ANKDD1A: variants seen among roughly 807,000 people sequenced by gnomAD.
ANKDD1A encodes the protein ankyrin repeat and death domain-containing protein 1A.
Under a neutral mutation model 63.5 loss-of-function variants are expected in ANKDD1A, and 59 were observed. That is an observed-to-expected ratio of 0.93 (90% confidence interval 0.75 to 1.15). The LOEUF (loss-of-function observed/expected upper bound fraction) is 1.15. ANKDD1A is among the 50% of genes most tolerant of loss of function. The probability of loss-of-function intolerance (pLI) is 0.00; values close to 1 mark genes in which losing one functional copy is unlikely to be tolerated. For synonymous variants in ANKDD1A, 266 were observed against 263.9 expected, an observed-to-expected ratio of 1.01 and a Z score of -0.08; for missense variants, 632 against 656.4, an observed-to-expected ratio of 0.96 and a Z score of 0.41.
intron 3 of ANKDD1A, among the ~76,000 whole-genome samples, chr15:64,917,776 A>G (rs957189790): frequency 1.3e-5 from 2 of 152,184 alleles, no homozygotes; most frequent in African/African-American, 4.8e-5. Flanking sequence ...GAACAGAGAG[A>G]GGGCTGTAGA....
At chr15:64,933,862 T>A (rs2085107938) in intron 8 of ANKDD1A, among the ~76,000 whole-genome samples, 2 of 151,926 alleles carry the variant, frequency 1.3e-5, no homozygotes, top group South Asian at 4.1e-4. Context: ...AAGTCTATCA[T>A]CTGCATGTCT....
chr15:64,928,717 G>A (rs1192148802), intron 6 of ANKDD1A, among the ~76,000 whole-genome samples: 1 of 152,214 alleles, frequency 6.6e-6, no homozygotes, highest in African/African-American at 2.4e-5. Flanking sequence ...GGGCAAAGTT[G>A]CTGTCAAGGC....
intron 14 of ANKDD1A, among the ~76,000 whole-genome samples, chr15:64,953,095 ACTTTCTTTT>A (rs1328818861): frequency 2.5e-4 from 25 of 100,968 alleles, no homozygotes; most frequent in Admixed American, 2.2e-3. Context: ...TCCTTCTTAT[ACTTTCTTTT>A]CTTTCTTCCG....
intron 8 of ANKDD1A, among the ~76,000 whole-genome samples, chr15:64,933,216 T>C (rs1381131940): frequency 6.6e-6 from 1 of 152,168 alleles, no homozygotes; most frequent in Non-Finnish European, 1.5e-5. Flanking sequence ...GCTGGGACTT[T>C]AGCAGGGTGG....
At chr15:64,952,043 T>C (rs2085295662) in intron 14 of ANKDD1A, among the ~76,000 whole-genome samples, 1 of 141,670 alleles carries the variant, frequency 7.1e-6, no homozygotes, top group Non-Finnish European at 1.6e-5. Context: ...TTCTTTCCTC[T>C]TCTTTCTTCT....
intron 6 of ANKDD1A, among the ~76,000 whole-genome samples, chr15:64,929,951 G>A (rs1234123272): frequency 1.3e-5 from 2 of 152,148 alleles, no homozygotes; most frequent in African/African-American, 4.8e-5. Flanking sequence ...GCAGGGACAT[G>A]GATGAAGCCA....
At position 64,918,430 on chromosome 15, in the gene ANKDD1A, A is replaced by G. The variant is rs138178018; in HGVS notation, c.267+916A>G. On this transcript the variant is annotated intron_variant, in intron 3 of 14. Transcript: ENST00000319580. ...CAACCCTTACCTCCCCCATTCCCCA[A>G]TCCTGTCTCCTCCCTGTACCTGCTT... 1.4e-4 allele frequency among the ~76,000 whole-genome samples: 22 copies of G among 152,082 alleles called. No individual in the cohort carries two copies. In the East Asian group the frequency reaches 2.7e-3, roughly 19 times the overall value.
intron 6 of ANKDD1A, among the ~76,000 whole-genome samples, chr15:64,929,731 G>A (rs2085074140): frequency 6.6e-6 from 1 of 152,056 alleles, no homozygotes; most frequent in Non-Finnish European, 1.5e-5. Flanking sequence ...ACTGAGTGTT[G>A]GCCATGTACC....
Position 64,930,813 on chromosome 15 carries a change from T to C in ANKDD1A, c.571-9T>C. On this transcript the variant is annotated splice_polypyrimidine_tract_variant and intron_variant, in intron 6 of 14. Coordinates refer to ENST00000319580, the MANE Select transcript of ANKDD1A (RefSeq NM_182703.6). ...TCTGCTGGCCTCTCAGGAGCCCTTT[T>C]TCCTGCAGGAGGGGAACACTGCCCT... The C allele has an allele frequency of 6.2e-7, 1 of 1,610,978 alleles. No individual in the cohort carries two copies. The highest frequency in any genetic ancestry group is 8.5e-7 in the Non-Finnish European group (1 of 1,179,392).
At chr15:64,952,001 T>G (rs2085294517) in intron 14 of ANKDD1A, among the ~76,000 whole-genome samples, 1 of 150,754 alleles carries the variant, frequency 6.6e-6, no homozygotes, top group Non-Finnish European at 1.5e-5. Flanking sequence ...TTTCTTTTCT[T>G]TCTTCTTCCA....
intron 9 of ANKDD1A, among the ~76,000 whole-genome samples, chr15:64,936,697 G>T (rs570454385): frequency 6.6e-6 from 1 of 151,962 alleles, no homozygotes; most frequent in African/African-American, 2.4e-5. Context: ...AAAATCAGCC[G>T]GGTATGGTGG....
In ANKDD1A at chr15:64,947,440, T is replaced by G; in HGVS notation, c.1198T>G (p.Phe400Val). 1 of 1,614,058 alleles carries G rather than the reference T, an allele frequency of 6.2e-7. No homozygotes were observed. Among genetic ancestry groups the G allele is most frequent in the Non-Finnish European group, 8.5e-7 (1 of 1,179,964 alleles). ...TGATCCCTCTGGGAAGAGCTTGTCC[T>G]TTAAGCAGGACCATCGGCAGGAAAC... Reference protein sequence around the residue: ...PSDPSGKSLSFKQDHRQETQQ... With the variant: ...PSDPSGKSLSVKQDHRQETQQ... Residue 400 changes from phenylalanine to valine, a missense_variant, in exon 13 of 15, where the codon TTT (phenylalanine) becomes GTT (valine). Physicochemically the swap from Phe to Val is conservative, Grantham distance 50. Coordinates refer to ENST00000319580, the MANE Select transcript of ANKDD1A (RefSeq NM_182703.6).
chr15:64,914,617 C>T (rs566935614), intron 1 of ANKDD1A, among the ~76,000 whole-genome samples: 53 of 152,364 alleles, frequency 3.5e-4, no homozygotes, highest in African/African-American at 1.3e-3. Context: ...TTGTGGGTTC[C>T]TCCTGTGCCC....
chr15:64,927,606 T>C (rs1171696093), intron 6 of ANKDD1A, among the ~76,000 whole-genome samples: 3 of 149,070 alleles, frequency 2.0e-5, no homozygotes, highest in East Asian at 1.9e-4. Context: ...AATTCCCTTT[T>C]TTTTTTTTTT....
At position 64,951,391 on chromosome 15, in the gene ANKDD1A, C is replaced by A. The variant is rs565596567; in HGVS notation, c.1483+1419C>A. On this transcript the variant is annotated intron_variant, in intron 14 of 14. Coordinates refer to ENST00000319580, the MANE Select transcript of ANKDD1A (RefSeq NM_182703.6). ...CTTTCTTCTTTCTTTTTCTTTTCTT[C>A]TTCCTCTTTTTTCTTTTTTCTTTTC... 235 of 311,696 alleles carry A rather than the reference C, an allele frequency of 7.5e-4. 2 individuals carry two copies. Among genetic ancestry groups the A allele is most frequent in the Middle Eastern group, 1.6e-3 (1 of 624 alleles). 19.3% of individuals were successfully genotyped at this position (311,696 alleles called of 1,614,324 possible).
At chr15:64,927,934 A>C (rs1009339332) in intron 6 of ANKDD1A, among the ~76,000 whole-genome samples, 2 of 152,150 alleles carry the variant, frequency 1.3e-5, no homozygotes, top group Admixed American at 1.3e-4. Flanking sequence ...TGATGCCTCC[A>C]ACAAAGAGAT....
At chr15:64,951,681 T>TTC (rs1187237679) in intron 14 of ANKDD1A, among the ~76,000 whole-genome samples, 1 of 33,366 alleles carries the variant, frequency 3.0e-5, no homozygotes, top group South Asian at 6.1e-4. Context: ...TCTTTCCTTC[T>TTC]TTCTTCTTCC....
intron 14 of ANKDD1A, among the ~76,000 whole-genome samples, chr15:64,954,856 CT>C (rs1329503157): frequency 2.5e-4 from 4 of 15,752 alleles, no homozygotes; most frequent in South Asian, 3.9e-3. Flanking sequence ...CCTTCTTCTT[CT>C]TTCTTCTCCT....
rs536465217 is a variant in ANKDD1A, at chr15:64,939,939, T to TGG, written c.868-2528_868-2527insGG. On this transcript the variant is annotated intron_variant, in intron 9 of 14. Transcript: ENST00000319580. ...TTGGATCTAGGGTTAGGCCAAAGAGTTCTTAGACTTGACACCAGAAACATG... is the reference window on the plus strand; with the variant it reads ...TTGGATCTAGGGTTAGGCCAAAGAGTGGTCTTAGACTTGACACCAGAAACATG... Among the ~76,000 whole-genome samples the TGG allele has an allele frequency of 9.1e-3, 1,381 of 151,982 alleles. 35 individuals are homozygous for TGG. Among genetic ancestry groups the TGG allele is most frequent in the African/African-American group, 0.032 (1,347 of 41,458 alleles).
Sources: allele counts gnomAD v4.1 joint callset (sites outside exome capture counted in the v4.1 genomes callset), GRCh38; gene constraint gnomAD v4.1.1; transcripts MANE v1.5; gene names NCBI Gene and HGNC (gene_info 2026-07-23, HGNC 2026-07-21).